The following FAT4 variants were observed in gnomAD, a reference collection of about 807,000 sequenced individuals.
The protein encoded by FAT4 is FAT atypical cadherin 4.
In FAT4, 84 loss-of-function variants were observed where a neutral mutation model predicts 303.9. The observed-to-expected ratio is 0.28, with a 90% CI of 0.23 to 0.33. The LOEUF (loss-of-function observed/expected upper bound fraction) is 0.33, where lower values mean the gene tolerates loss of function less well. FAT4 is among the 10% of genes least tolerant of loss of function. FAT4 has a pLI of 1.00. For missense variants in FAT4, 6,005 were observed against 6,146.8 expected (o/e 0.98, Z 0.77); for synonymous variants, 2,307 against 2,298.8 (o/e 1.00, Z -0.10).
chr4:125,438,374 T>C (rs1483328932), intron 8 of FAT4, among the ~76,000 whole-genome samples: 1 of 152,202 alleles, frequency 6.6e-6, no homozygotes, highest in African/African-American at 2.4e-5. Context: ...AGAAAAATTG[T>C]ATTCATACTC....
intron 2 of FAT4, among the ~76,000 whole-genome samples, chr4:125,391,176 C>T (rs1209288195): frequency 6.6e-6 from 1 of 151,910 alleles, no homozygotes; most frequent in Non-Finnish European, 1.5e-5. Context: ...GGGTATATAC[C>T]CAAAGGAATA....
At chr4:125,480,133 T>C (rs1162066654) in intron 15 of FAT4, among the ~76,000 whole-genome samples, 2 of 152,160 alleles carry the variant, frequency 1.3e-5, no homozygotes, top group Non-Finnish European at 2.9e-5. Context: ...TTGTTTGTTT[T>C]ATTTCTTAGA....
In FAT4 at chr4:125,415,135, T is replaced by C; in HGVS notation, c.6172T>C (p.Tyr2058His). 1 of 1,614,060 alleles carries C rather than the reference T, an allele frequency of 6.2e-7. No individual in the cohort carries two copies. The highest frequency in any genetic ancestry group is 2.2e-5 in the East Asian group (1 of 44,872). ...PPTFLSPKLTYIPENTPIDTV... is the reference protein window; with the variant it reads ...PPTFLSPKLTHIPENTPIDTV... ...GACATTTCTTTCCCCTAAATTGACATACATTCCAGAAAATACACCTATTGA... is the reference window on the plus strand; with the variant it reads ...GACATTTCTTTCCCCTAAATTGACACACATTCCAGAAAATACACCTATTGA... The change falls in exon 6 of 18, where the codon TAC becomes CAC. Residue 2058 changes from tyrosine (Y) to histidine (H), a missense_variant. Tyr to His is a moderately conservative substitution (Grantham distance 83, BLOSUM62 2). Transcript: ENST00000394329.
chr4:125,492,459 T>G lies in FAT4; in HGVS notation c.*691T>G, dbSNP rs1186301641. On this transcript the variant is annotated 3_prime_UTR_variant, in exon 18 of 18. Coordinates refer to ENST00000394329, the MANE Select transcript of FAT4 (RefSeq NM_001291303.3). ...TTCCATTAGGAACAGAATGATTGCA[T>G]GTTGTCCCCAGAACACTGCCACCTT... is the stretch of plus-strand genomic sequence containing the variant. 1 of 152,266 alleles carries G rather than the reference T, an allele frequency of 6.6e-6. No homozygotes were observed. The highest frequency in any genetic ancestry group is 2.4e-5 in the African/African-American group (1 of 41,454). The allele number at this position is 152,266 out of a possible 1,614,324, so 9.4% of individuals were successfully genotyped here.
intron 16 of FAT4, among the ~76,000 whole-genome samples, chr4:125,484,306 A>G (rs1727334148): frequency 6.6e-6 from 1 of 152,198 alleles, no homozygotes; most frequent in Admixed American, 6.5e-5. Flanking sequence ...AGGCAAAAGG[A>G]AAGCATAATT....
Position 125,318,674 on chromosome 4 carries a change from G to T in FAT4, c.2263G>T (p.Glu755Ter). The change falls in exon 2 of 18, where the codon GAA (glutamate) becomes TAA (stop). Residue 755 changes from glutamate (E) to a stop codon, truncating the protein, a stop_gained. Transcript: ENST00000394329. LOFTEE classifies it high-confidence loss of function. ...TACAAGAATGGCCCTAGACAGAGAA[G>T]AAAAAACAGCTTATCAGTTGCAAAT... The part of the protein sequence containing the change: ...ISTRMALDRE[E>*]KTAYQLQIVA... The T allele has an allele frequency of 6.2e-7, 1 of 1,614,014 alleles. No homozygotes were observed. The highest frequency in any genetic ancestry group is 8.5e-7 in the Non-Finnish European group (1 of 1,179,970).
chr4:125,450,484 A>G lies in FAT4; in HGVS notation c.9474A>G (p.Leu3158=), dbSNP rs780508167. The G allele has an allele frequency of 1.9e-6, 3 of 1,614,156 alleles. No individual in the cohort carries two copies. The highest frequency in any genetic ancestry group is 2.2e-5 in the East Asian group (1 of 44,874). Residue 3158 remains leucine, a synonymous_variant, in exon 10 of 18, where the codon CTA becomes CTG. Transcript: ENST00000394329. ...LTLAKALDYE[L]CQKHEMTISA... is the part of the protein sequence containing the mutation. ...TAGCCAAAGCTCTTGATTATGAGCTATGCCAGAAACACGAAATGACGATTA... is the reference window on the plus strand; with the variant it reads ...TAGCCAAAGCTCTTGATTATGAGCTGTGCCAGAAACACGAAATGACGATTA...
At chr4:125,406,402 T>C (rs905189953) in intron 3 of FAT4, among the ~76,000 whole-genome samples, 1 of 152,194 alleles carries the variant, frequency 6.6e-6, no homozygotes, top group Admixed American at 6.5e-5. Context: ...ACTGTAACTT[T>C]GTAGTATATT....
intron 3 of FAT4, among the ~76,000 whole-genome samples, chr4:125,399,666 T>C (rs1436213528): frequency 1.3e-5 from 2 of 151,806 alleles, no homozygotes. Flanking sequence ...ACCTTAAAAA[T>C]TTAAATAAAT....
chr4:125,468,494 C>A lies in FAT4; in HGVS notation c.11906-18C>A. The A allele has an allele frequency of 4.3e-6, 6 of 1,405,514 alleles. No homozygotes were observed. In the South Asian group the frequency reaches 8.0e-5, roughly 19 times the overall value. The allele number at this position is 1,405,514 out of a possible 1,614,324, so 87.1% of individuals were successfully genotyped here. On this transcript the variant is annotated intron_variant, in intron 11 of 17. Transcript: ENST00000394329. ...TTCATGAAATTTTATGCCAGTTTGT[C>A]AATTTTCCCTCCAACAGGTGTCTTT...
intron 5 of FAT4, 94 bp from the exon 6 acceptor site, chr4:125,414,790 T>A (rs1734974518): frequency 5.0e-6 from 4 of 804,628 alleles, no homozygotes; most frequent in Non-Finnish European, 8.1e-6. Flanking sequence ...GCACGGCATA[T>A]CAAACATGCC....
chr4:125,364,711 G>T (rs1167703603), intron 2 of FAT4, among the ~76,000 whole-genome samples: 1 of 151,910 alleles, frequency 6.6e-6, no homozygotes, highest in Non-Finnish European at 1.5e-5. Flanking sequence ...AAGGAAGTGA[G>T]GTTTTTTCAG....
At position 125,442,583 on chromosome 4, in the gene FAT4, T is replaced by C. The variant is rs1211836013; in HGVS notation, c.7200-3710T>C. ...ATGTTTCAATGTTCACAAACCTTGT[T>C]TCAAGCAATTATCAAAAATATTAGA... On this transcript the variant is annotated intron_variant, in intron 8 of 17. Coordinates refer to ENST00000394329, the MANE Select transcript of FAT4 (RefSeq NM_001291303.3). Among the ~76,000 whole-genome samples the C allele has an allele frequency of 8.5e-5, 13 of 152,142 alleles. 2 individuals carry two copies. The highest frequency in any genetic ancestry group is 8.5e-4 in the Admixed American group (13 of 15,262).
intron 2 of FAT4, among the ~76,000 whole-genome samples, chr4:125,340,603 G>C (rs1731752015): frequency 6.6e-6 from 1 of 152,120 alleles, no homozygotes; most frequent in Non-Finnish European, 1.5e-5. Context: ...AGCCAGGATG[G>C]TCTCGATCTC....
intron 2 of FAT4, among the ~76,000 whole-genome samples, chr4:125,341,803 A>G (rs1254909732): frequency 6.6e-6 from 1 of 152,070 alleles, no homozygotes; most frequent in African/African-American, 2.4e-5. Flanking sequence ...ACTTCTGCAT[A>G]ATATAAAGAC....
intron 2 of FAT4, among the ~76,000 whole-genome samples, chr4:125,385,005 T>C (rs866626031): frequency 0.059 from 6,149 of 104,500 alleles, 128 homozygotes; most frequent in Middle Eastern, 0.12. Flanking sequence ...TATATACATA[T>C]ATATATATAT....
rs1735014324 is a variant in FAT4 at position 125,415,520 on chromosome 4, A to G, written c.6557A>G (p.Asn2186Ser). 1 of 1,614,102 alleles carries G rather than the reference A, an allele frequency of 6.2e-7. No individual in the cohort carries two copies. Among genetic ancestry groups the G allele is most frequent in the East Asian group, 2.2e-5 (1 of 44,868 alleles). Residue 2186 changes from asparagine (N) to serine (S), a missense_variant, in exon 6 of 18, where the codon AAT becomes AGT. Coordinates refer to ENST00000394329, the MANE Select transcript of FAT4 (RefSeq NM_001291303.3). ...VFAADGDEGTNGQVRYGIVNG... is the reference protein window; with the variant it reads ...VFAADGDEGTSGQVRYGIVNG... ...GCAGCAGATGGAGATGAAGGCACAA[A>G]TGGACAGGTTCGCTATGGCATTGTT...
At position 125,318,410 on chromosome 4, in the gene FAT4, C is replaced by T. The variant is rs1730745582; in HGVS notation, c.1999C>T (p.Pro667Ser). The change falls in exon 2 of 18, where the codon CCT (proline) becomes TCT (serine). Residue 667 changes from proline to serine, a missense_variant. Coordinates refer to ENST00000394329, the MANE Select transcript of FAT4 (RefSeq NM_001291303.3). The stretch of plus-strand genomic sequence containing the variant: ...GGTTCTGGCCACAGATCTGGGCTCC[C>T]CTCCCCAGTCATCAATGGCTCGCAT... The part of the protein sequence containing the change: ...LLVLATDLGS[P>S]PQSSMARINV... 2.5e-6 allele frequency: 4 copies of T among 1,614,126 alleles called. No individual in the cohort carries two copies. Among genetic ancestry groups the T allele is most frequent in the East Asian group, 2.2e-5 (1 of 44,858 alleles).
rs776669972 is a variant in FAT4, at chr4:125,490,277, G to C, written c.13461G>C (p.Ala4487=). The C allele has an allele frequency of 3.7e-6, 6 of 1,613,968 alleles. No individual in the cohort carries two copies. Among genetic ancestry groups the C allele is most frequent in the Non-Finnish European group, 5.1e-6 (6 of 1,180,026 alleles). ...AGGTGTGCAAAGCTGGAAGTCCTGC[G>C]GGGCATGTCTGTGTTCTGAGTCAGG... ...QGKVCKAGSP[A]GHVCVLSQGP... is the part of the protein sequence containing the mutation. Residue 4487 remains alanine (A), a synonymous_variant, in exon 18 of 18, where the codon GCG becomes GCC. Transcript: ENST00000394329.
Sources: allele counts gnomAD v4.1 joint callset (sites outside exome capture counted in the v4.1 genomes callset), GRCh38; gene constraint gnomAD v4.1.1; transcripts MANE v1.5; gene names NCBI Gene and HGNC (gene_info 2026-07-23, HGNC 2026-07-21).